The following NRXN1 variants were observed in gnomAD, a reference collection of about 807,000 sequenced individuals.
The protein encoded by NRXN1 is neurexin-1.
A neutral mutation model predicts 150.9 loss-of-function variants in NRXN1; 39 were observed. That is an observed-to-expected ratio of 0.26 (90% CI 0.20 to 0.34). The LOEUF (loss-of-function observed/expected upper bound fraction) is 0.34. Among genes scored for constraint, NRXN1 ranks in the 10% least tolerant of loss-of-function variants. The probability of loss-of-function intolerance (pLI) is 1.00; values close to 1 mark genes in which losing one functional copy is unlikely to be tolerated. For synonymous variants in NRXN1, 924 were observed against 757.0 expected, an observed-to-expected ratio of 1.22 and a Z score of -3.62; for missense variants, 1,815 against 1,949.9, an observed-to-expected ratio of 0.93 and a Z score of 1.30.
intron 2 of NRXN1, among the ~76,000 whole-genome samples, chr2:50,972,558 T>C (rs748622647): frequency 2.6e-5 from 4 of 152,104 alleles, no homozygotes; most frequent in South Asian, 2.1e-4. Flanking sequence ...TATTATTACA[T>C]TGTAATATCG....
intron 17 of NRXN1, among the ~76,000 whole-genome samples, chr2:50,433,049 A>G (rs1240026844): frequency 2.6e-5 from 4 of 152,370 alleles, no homozygotes; most frequent in East Asian, 3.9e-4. Context: ...ATAAAAAATG[A>G]TACATAGAAG....
intron 21 of NRXN1, among the ~76,000 whole-genome samples, chr2:49,967,860 C>A (rs980459437): frequency 7.9e-5 from 12 of 151,928 alleles, no homozygotes; most frequent in Non-Finnish European, 1.8e-4. Context: ...TTTTCTCTAG[C>A]CTGAGGTTTT....
At chr2:50,011,021 T>C (rs1270174288) in intron 21 of NRXN1, among the ~76,000 whole-genome samples, 2 of 152,140 alleles carry the variant, frequency 1.3e-5, no homozygotes, top group South Asian at 2.1e-4. Flanking sequence ...TCCAAAATTA[T>C]TAATTAACAA....
intron 8 of NRXN1, among the ~76,000 whole-genome samples, chr2:50,598,843 C>A (rs1209354204): frequency 6.6e-6 from 1 of 151,462 alleles, no homozygotes; most frequent in Admixed American, 6.6e-5. Flanking sequence ...CTGCAACCTC[C>A]GCCTCCCAGG....
chr2:50,888,662 CT>C (rs1294070937), intron 5 of NRXN1, among the ~76,000 whole-genome samples: 1 of 151,566 alleles, frequency 6.6e-6, no homozygotes, highest in Non-Finnish European at 1.5e-5. Context: ...TATAATGTTG[CT>C]TGAATTTTAT....
intron 5 of NRXN1, among the ~76,000 whole-genome samples, chr2:50,831,784 T>G (rs537595572): frequency 6.6e-6 from 1 of 152,330 alleles, no homozygotes; most frequent in African/African-American, 2.4e-5. Flanking sequence ...AGACTATTCA[T>G]GTCATGCGAA....
At chr2:50,510,559 T>A (rs2105035521) in intron 12 of NRXN1, among the ~76,000 whole-genome samples, 1 of 150,878 alleles carries the variant, frequency 6.6e-6, no homozygotes, top group East Asian at 1.9e-4. Flanking sequence ...TAGCCTTATG[T>A]CTATTAAAAG....
chr2:50,825,771 T>C (rs566866097), intron 5 of NRXN1, among the ~76,000 whole-genome samples: 12 of 152,218 alleles, frequency 7.9e-5, no homozygotes, highest in Non-Finnish European at 1.5e-4. Context: ...GCAACTGGCA[T>C]TGGAAGTCGG....
chr2:49,980,380 ATTC>A (rs1360562209), intron 21 of NRXN1, among the ~76,000 whole-genome samples: 3 of 152,118 alleles, frequency 2.0e-5, no homozygotes, highest in African/African-American at 4.8e-5. Context: ...CAGCTTCGGA[ATTC>A]TTCTTTGGGA....
intron 17 of NRXN1, among the ~76,000 whole-genome samples, chr2:50,442,830 GA>G (rs2086082021): frequency 6.6e-6 from 1 of 152,150 alleles, no homozygotes; most frequent in Non-Finnish European, 1.5e-5. Flanking sequence ...AGAAGTCACA[GA>G]GGAAGGAGGA....
chr2:50,648,347 T>C (rs941809770), intron 5 of NRXN1, among the ~76,000 whole-genome samples: 68 of 152,182 alleles, frequency 4.5e-4, no homozygotes, highest in African/African-American at 1.6e-3. Flanking sequence ...GGAAAATCCC[T>C]TAGTAGTTCT....
chr2:50,240,211 A>C (rs1233179231), intron 17 of NRXN1, among the ~76,000 whole-genome samples: 1 of 151,722 alleles, frequency 6.6e-6, no homozygotes, highest in Non-Finnish European at 1.5e-5. Context: ...CAAAGCAAAA[A>C]AATCGCAACT....
chr2:50,994,592 C>T (rs550102592), intron 2 of NRXN1, among the ~76,000 whole-genome samples: 1 of 151,908 alleles, frequency 6.6e-6, no homozygotes, highest in Non-Finnish European at 1.5e-5. Flanking sequence ...ACTTCCTCTT[C>T]CATAAGGAGA....
intron 21 of NRXN1, among the ~76,000 whole-genome samples, chr2:49,946,238 T>C (rs1203222695): frequency 2.0e-5 from 3 of 152,140 alleles, no homozygotes; most frequent in Non-Finnish European, 4.4e-5. Context: ...GGTTGTTTTG[T>C]TTTTTTCTTG....
rs1175165681 is a variant in NRXN1, at chr2:50,251,638, A to G, written c.3365-14668T>C. 2.0e-5 allele frequency among the ~76,000 whole-genome samples: 3 copies of G among 152,118 alleles called. 1 individual carries two copies. Among genetic ancestry groups the G allele is most frequent in the Non-Finnish European group, 4.4e-5 (3 of 68,020 alleles). On this transcript the variant is annotated intron_variant, in intron 17 of 22. Transcript: ENST00000401669. ...TTCCACACTGGTTGAACTAATTTAC[A>G]TTCCCACCAACAGTGTAAAAGCATT...
rs1701051657 is a variant in NRXN1 at position 50,755,416 on chromosome 2, C to A, written c.833-131801G>T. Among the ~76,000 whole-genome samples the A allele has an allele frequency of 2.0e-5, 3 of 151,752 alleles. No homozygotes were observed. In the South Asian group the frequency reaches 6.2e-4, roughly 31 times the overall value. The stretch of plus-strand genomic sequence containing the variant: ...ATTATGTATCCCATTTACCATATGC[C>A]AAACACAAAACCAGAAAGCTTCATT... On this transcript the variant is annotated intron_variant, in intron 5 of 22. Coordinates refer to ENST00000401669, the MANE Select transcript of NRXN1 (RefSeq NM_001330078.2).
chr2:50,142,184 T>C (rs1707367675), intron 18 of NRXN1, among the ~76,000 whole-genome samples: 1 of 152,008 alleles, frequency 6.6e-6, no homozygotes, highest in Non-Finnish European at 1.5e-5. Flanking sequence ...GGCATTATGT[T>C]AGGTGAAATA....
chr2:50,514,004 T>C (rs2092551413), intron 12 of NRXN1, among the ~76,000 whole-genome samples: 3 of 152,192 alleles, frequency 2.0e-5, no homozygotes, highest in Admixed American at 2.0e-4. Context: ...TTCTGGTATA[T>C]ATATACTCTG....
chr2:50,434,048 T>C (rs1186712372), intron 17 of NRXN1, among the ~76,000 whole-genome samples: 4,592 of 99,358 alleles, frequency 0.046, 557 homozygotes, highest in African/African-American at 0.1. Context: ...AAGCCATTTT[T>C]TTTTTTTTTT....
Sources: gnomAD v4.1 joint callset for allele counts (sites outside exome capture counted in the v4.1 genomes callset) on GRCh38, gnomAD v4.1.1 for gene constraint, MANE v1.5 for transcripts, NCBI Gene and HGNC (gene_info 2026-07-23, HGNC 2026-07-21) for gene names.